Variants in VPS13B observed in about 807,000 individuals in gnomAD.
The protein encoded by VPS13B is intermembrane lipid transfer protein VPS13B.
Under a neutral mutation model 426.4 loss-of-function variants are expected in VPS13B, and 285 were observed. That is an observed-to-expected ratio of 0.67 (90% CI 0.61 to 0.74). The LOEUF is 0.74. VPS13B is among the 30% of genes least tolerant of loss of function. VPS13B has a pLI of 0.00. For missense variants in VPS13B, 4,537 were observed against 4,782.6 expected, an observed-to-expected ratio of 0.95 and a Z score of 1.51; for synonymous variants, 1,676 against 1,676.4, an observed-to-expected ratio of 1.00 and a Z score of 0.01.
At chr8:99,138,856 T>G (rs1409685457) in intron 12 of VPS13B, among the ~76,000 whole-genome samples, 1 of 152,192 alleles carries the variant, frequency 6.6e-6, no homozygotes, top group Non-Finnish European at 1.5e-5. Flanking sequence ...TGTGAGGAGG[T>G]GAAGTATGTA....
rs138000928 is a variant in VPS13B at position 99,467,618 on chromosome 8, A to C, written c.3650A>C (p.Lys1217Thr). The C allele has an allele frequency of 9.3e-6, 15 of 1,610,062 alleles. No individual in the cohort carries two copies. The African/African-American group carries it at 2.0e-4, about 21-fold the overall frequency. The change falls in exon 24 of 62, where the codon AAA becomes ACA. Residue 1217 changes from lysine (K) to threonine (T), a missense_variant. By Grantham distance (78) the Lys-to-Thr change is moderately conservative. Around this residue, in one of 2 missense-constraint regions of VPS13B, gnomAD observed 4,311 missense variants for 4,474.3 expected, o/e 0.96. Coordinates refer to ENST00000357162, the MANE Select transcript of VPS13B (RefSeq NM_152564.5). ...LHVDLESLEI[K>T]CSNPQVQLFY... is the part of the protein sequence containing the mutation. ...GTTGACCTAGAGTCACTAGAGATAA[A>C]ATGCTCTAATCCCCAGGTTGGTACA...
intron 29 of VPS13B, among the ~76,000 whole-genome samples, chr8:99,512,666 A>G (rs753407091): frequency 1.3e-5 from 2 of 152,170 alleles, no homozygotes; most frequent in Non-Finnish European, 2.9e-5. Context: ...TTATTACACA[A>G]AATTTATCAG....
chr8:99,151,600 C>T (rs1257286795), intron 14 of VPS13B, among the ~76,000 whole-genome samples: 2 of 151,206 alleles, frequency 1.3e-5, no homozygotes, highest in Non-Finnish European at 2.9e-5. Flanking sequence ...ATGGCATGAT[C>T]TTGGCTCACA....
chr8:99,210,455 G>A (rs927463063), intron 17 of VPS13B, among the ~76,000 whole-genome samples: 11 of 151,940 alleles, frequency 7.2e-5, no homozygotes, highest in African/African-American at 2.2e-4. Context: ...ATCGGATATC[G>A]GGTCATTTTT....
intron 43 of VPS13B, among the ~76,000 whole-genome samples, chr8:99,807,887 A>G (rs1050363210): frequency 6.6e-6 from 1 of 151,732 alleles, no homozygotes; most frequent in Admixed American, 6.6e-5. Context: ...AAAAAAAAAA[A>G]AAAAGCCCTA....
intron 49 of VPS13B, 31 bp from the exon 50 acceptor site, chr8:99,821,263 T>C (rs745896705): frequency 6.2e-7 from 1 of 1,607,416 alleles, no homozygotes; most frequent in East Asian, 2.3e-5. Context: ...GGTAAGAAAA[T>C]TACTTTATAA....
Position 99,156,708 on chromosome 8 carries a change from C to T in VPS13B, c.2173C>T (p.Leu725=). 1.2e-6 allele frequency: 2 copies of T among 1,613,966 alleles called. No homozygotes were observed. The highest frequency in any genetic ancestry group is 1.7e-6 in the Non-Finnish European group (2 of 1,179,898). The change falls in exon 15 of 62, where the codon CTG becomes TTG. Residue 725 remains leucine (L), a synonymous_variant. Coordinates refer to ENST00000357162, the MANE Select transcript of VPS13B (RefSeq NM_152564.5). ...CAGCCTTACTCAACCTTCTGATAAC[C>T]TGCTTCATTATTGTTATGTACACTG... ...VSSLTQPSDN[L]LHYCYVHCYL...
intron 6 of VPS13B, among the ~76,000 whole-genome samples, chr8:99,112,683 T>G (rs1847425554): frequency 6.6e-6 from 1 of 152,172 alleles, no homozygotes; most frequent in African/African-American, 2.4e-5. Flanking sequence ...TTGGGGAATG[T>G]GAAGGTAAAT....
At chr8:99,459,809 A>G (rs930923842) in intron 23 of VPS13B, among the ~76,000 whole-genome samples, 3 of 152,106 alleles carry the variant, frequency 2.0e-5, no homozygotes, top group Non-Finnish European at 4.4e-5. Flanking sequence ...ATATGTACCT[A>G]TAGTTGTTAG....
At chr8:99,267,850 T>C (rs1285421100) in intron 17 of VPS13B, among the ~76,000 whole-genome samples, 1 of 152,070 alleles carries the variant, frequency 6.6e-6, no homozygotes, top group Non-Finnish European at 1.5e-5. Context: ...GGAAAATGTC[T>C]CCAGGGCATG....
intron 55 of VPS13B, among the ~76,000 whole-genome samples, chr8:99,851,319 C>T (rs1457792674): frequency 3.3e-5 from 5 of 152,094 alleles, no homozygotes; most frequent in Non-Finnish European, 7.4e-5. Context: ...AATAAAAAGG[C>T]CCAATCCCTT....
At chr8:99,626,871 A>G (rs943126022) in intron 33 of VPS13B, among the ~76,000 whole-genome samples, 5 of 152,242 alleles carry the variant, frequency 3.3e-5, no homozygotes, top group Non-Finnish European at 7.3e-5. Context: ...AGTCAACCTA[A>G]GTGTTTATCA....
At chr8:99,024,157 A>G (rs1434956086) in intron 2 of VPS13B, among the ~76,000 whole-genome samples, 1 of 152,074 alleles carries the variant, frequency 6.6e-6, no homozygotes, top group African/African-American at 2.4e-5. Context: ...GTGATTAGTG[A>G]TGTTGAACAT....
At chr8:99,287,852 A>G (rs756043400) in intron 19 of VPS13B, among the ~76,000 whole-genome samples, 68 of 152,078 alleles carry the variant, frequency 4.5e-4, no homozygotes, top group Non-Finnish European at 4.3e-4. Flanking sequence ...GAGTATGTCC[A>G]TAAAAGTCTG....
intron 3 of VPS13B, 64 bp downstream of exon 3, chr8:99,038,630 A>G: frequency 7.1e-7 from 1 of 1,415,450 alleles, no homozygotes. Flanking sequence ...ACATTTCTTT[A>G]CCTTTTCAAA....
At chr8:99,722,393 T>A (rs1833165789) in intron 39 of VPS13B, among the ~76,000 whole-genome samples, 1 of 152,210 alleles carries the variant, frequency 6.6e-6, no homozygotes. Flanking sequence ...CAGCCTCTGG[T>A]ACATAGGTAC....
chr8:99,572,682 T>A (rs1218545316), intron 31 of VPS13B, among the ~76,000 whole-genome samples: 4 of 152,250 alleles, frequency 2.6e-5, no homozygotes, highest in Non-Finnish European at 5.9e-5. Context: ...TGTGCCACAT[T>A]TTCTTAATCT....
intron 39 of VPS13B, among the ~76,000 whole-genome samples, chr8:99,728,224 C>T (rs1231877265): frequency 6.6e-6 from 1 of 152,182 alleles, no homozygotes; most frequent in Non-Finnish European, 1.5e-5. Flanking sequence ...ACTCTAGGAC[C>T]AATGGCTAGA....
At chr8:99,330,860 T>G (rs1810507052) in intron 19 of VPS13B, among the ~76,000 whole-genome samples, 1 of 151,790 alleles carries the variant, frequency 6.6e-6, no homozygotes, top group Non-Finnish European at 1.5e-5. Flanking sequence ...AAGCAAAATT[T>G]TATTTCTTTT....
Sources: allele counts gnomAD v4.1 joint callset (sites outside exome capture counted in the v4.1 genomes callset), GRCh38; gene constraint gnomAD v4.1.1; regional missense constraint gnomAD v4.1.1; transcripts MANE v1.5; gene names NCBI Gene and HGNC (gene_info 2026-07-23, HGNC 2026-07-21).